Variants in PFKL observed in about 807,000 individuals in gnomAD.
The protein encoded by PFKL is ATP-dependent 6-phosphofructokinase, liver type.
PFKL carries 74 observed loss-of-function variants against 92.1 expected under a neutral mutation model. The ratio of observed to expected loss-of-function variants is 0.80; its 90% CI spans 0.67 to 0.97. PFKL has a LOEUF of 0.97. PFKL is among the 50% of genes least tolerant of loss of function. The pLI, the probability that PFKL is intolerant of heterozygous loss-of-function variation, is 0.00. For missense variants in PFKL, 1,028 were observed against 1,116.6 expected (o/e 0.92, Z 1.13); for synonymous variants, 494 against 456.4 (o/e 1.08, Z -1.05).
chr21:44,306,032 G>A (rs2040927911), intron 1 of PFKL: 1 of 768,922 alleles, frequency 1.3e-6, no homozygotes, highest in Admixed American at 4.8e-5. Flanking sequence ...CATTGCGGAG[G>A]AAGGAGCCCA....
In PFKL at chr21:44,324,658, G is replaced by GAGCCC; in HGVS notation, c.1815+14_1815+18dup. 1.3e-6 allele frequency: 2 copies of GAGCCC among 1,582,408 alleles called. No individual in the cohort carries two copies. Among genetic ancestry groups the GAGCCC allele is most frequent in the Non-Finnish European group, 8.6e-7 (1 of 1,162,286 alleles). The stretch of plus-strand genomic sequence containing the variant: ...CTTTCAACATCCACGACTTAAAGGT[G>GAGCCC]AGCCCAGCCCAGCCCCTGCTGCGGC... On this transcript the variant is annotated splice_donor_region_variant and intron_variant, in intron 17 of 21. Transcript: ENST00000349048.
chr21:44,314,891 G>C (rs2047159054), intron 7 of PFKL: 1 of 152,306 alleles, frequency 6.6e-6, no homozygotes, highest in South Asian at 2.1e-4. Flanking sequence ...CAGGACCACT[G>C]GAACCAGCCC....
rs575349882 is a variant in PFKL at position 44,314,339 on chromosome 21, C to T, written c.747+318C>T. The T allele has an allele frequency of 6.8e-5, 22 of 324,032 alleles. No homozygotes were observed. In the South Asian group the frequency reaches 8.4e-4, roughly 12 times the overall value. 20.1% of individuals were successfully genotyped at this position (324,032 alleles called of 1,614,324 possible). On this transcript the variant is annotated intron_variant, in intron 7 of 21. Transcript: ENST00000349048. ...TGGGGTGGGACTGCTGAGCCTGGGGCGGTGGGAGGTGGTTGGTTGTGAGGG... is the reference window on the plus strand; with the variant it reads ...TGGGGTGGGACTGCTGAGCCTGGGGTGGTGGGAGGTGGTTGGTTGTGAGGG...
chr21:44,321,558 TAGAAC>T, intron 12 of PFKL, 166 bp from the exon 13 acceptor site: 1 of 567,464 alleles, frequency 1.8e-6, no homozygotes, highest in Non-Finnish European at 2.9e-6. Flanking sequence ...CTTCTGGAAT[TAGAAC>T]AGATACCGTA....
intron 7 of PFKL, chr21:44,314,886 C>T (rs2047158834): frequency 6.6e-6 from 1 of 152,288 alleles, no homozygotes; most frequent in Non-Finnish European, 1.5e-5. Context: ...TGAGGCAGGA[C>T]CACTGGAACC....
intron 15 of PFKL, among the ~76,000 whole-genome samples, 160 bp from the exon 16 acceptor site, chr21:44,323,606 G>A (rs1477959632): frequency 6.6e-6 from 1 of 152,146 alleles, no homozygotes; most frequent in African/African-American, 2.4e-5. Flanking sequence ...CTGACTGCCT[G>A]GCCCAGCCCC....
rs149918423 is a variant in PFKL at position 44,314,030 on chromosome 21, C to T, written c.747+9C>T. Reference sequence around the variant, plus strand: ...GTGAGAGGCTGGGTGAGGTGGGTGCCGTCCAGCCTGCTGGGGGCCGCAGGT... The same window carrying T: ...GTGAGAGGCTGGGTGAGGTGGGTGCTGTCCAGCCTGCTGGGGGCCGCAGGT... On this transcript the variant is annotated intron_variant, in intron 7 of 21. Coordinates refer to ENST00000349048, the MANE Select transcript of PFKL (RefSeq NM_002626.6). 1.5e-5 allele frequency: 23 copies of T among 1,582,988 alleles called. No homozygotes were observed. Among genetic ancestry groups the T allele is most frequent in the Non-Finnish European group, 1.7e-5 (20 of 1,162,032 alleles).
At chr21:44,304,341 G>A in intron 1 of PFKL, 1 of 1,287,964 alleles carries the variant, frequency 7.8e-7, no homozygotes, top group Non-Finnish European at 1.0e-6. Flanking sequence ...CCGCCCAGTG[G>A]CACATTGACT....
chr21:44,309,638 A>G (rs2041057762), intron 2 of PFKL, among the ~76,000 whole-genome samples: 1 of 151,980 alleles, frequency 6.6e-6, no homozygotes. Context: ...TGGGCTCTGT[A>G]TTGGATCCTG....
chr21:44,323,935 C>T lies in PFKL; in HGVS notation c.1650+17C>T, dbSNP rs1196382403. On this transcript the variant is annotated intron_variant, in intron 16 of 21. Transcript: ENST00000349048. ...GCCATGGAGGTACGGGGCTCCTGGA[C>T]ACCGGCCTGCCATGCCCAGGCCCTT... The T allele has an allele frequency of 5.0e-6, 8 of 1,612,650 alleles. No homozygotes were observed. The African/African-American group carries it at 6.7e-5, about 13-fold the overall frequency.
At position 44,306,624 on chromosome 21, in the gene PFKL, G is replaced by T. The variant is rs887137539; in HGVS notation, c.86-57G>T. 17 of 1,495,608 alleles carry T rather than the reference G, an allele frequency of 1.1e-5. No individual in the cohort carries two copies. In the East Asian group the frequency reaches 1.2e-4, roughly 10 times the overall value. The allele number at this position is 1,495,608 out of a possible 1,614,324, so 92.6% of individuals were successfully genotyped here. On this transcript the variant is annotated intron_variant, in intron 1 of 21. Coordinates refer to ENST00000349048, the MANE Select transcript of PFKL (RefSeq NM_002626.6). Reference sequence around the variant, plus strand: ...CCCCCTGTCCTCTGAGATGGGGAGGGTGTCCAGGGCCTTGCTTCTCAGCGT... The same window carrying T: ...CCCCCTGTCCTCTGAGATGGGGAGGTTGTCCAGGGCCTTGCTTCTCAGCGT...
intron 12 of PFKL, 163 bp from the exon 13 acceptor site, chr21:44,321,566 A>G (rs2047355447): frequency 1.7e-6 from 1 of 591,432 alleles, no homozygotes; most frequent in Admixed American, 3.9e-5. Context: ...ATTAGAACAG[A>G]TACCGTATTC....
intron 5 of PFKL, 122 bp from the exon 6 acceptor site, chr21:44,313,516 T>C (rs2047115563): frequency 1.1e-6 from 1 of 917,520 alleles, no homozygotes; most frequent in South Asian, 1.5e-5. Context: ...AGCCTGGGCA[T>C]GAGAAGGGGC....
chr21:44,303,000 A>T (rs1230838526), intron 1 of PFKL, among the ~76,000 whole-genome samples: 1 of 152,178 alleles, frequency 6.6e-6, no homozygotes, highest in Non-Finnish European at 1.5e-5. Flanking sequence ...TGGGAGGCTG[A>T]GGCTGGTGGA....
Position 44,312,618 on chromosome 21 carries a change from C to A in PFKL, c.427+324C>A, listed in dbSNP as rs568007325. 2.6e-5 allele frequency among the ~76,000 whole-genome samples: 4 copies of A among 152,362 alleles called. No individual in the cohort carries two copies. The East Asian group carries it at 7.7e-4, about 29-fold the overall frequency. Reference sequence around the variant, plus strand: ...GTGAGATTCTGGACATGCATGGTCACAGTCTGCAGAAATAGAGTTGAAGTT... The same window carrying A: ...GTGAGATTCTGGACATGCATGGTCAAAGTCTGCAGAAATAGAGTTGAAGTT... On this transcript the variant is annotated intron_variant, in intron 4 of 21. Transcript: ENST00000349048.
intron 15 of PFKL, 29 bp from the exon 16 acceptor site, chr21:44,323,737 C>CT: frequency 6.3e-7 from 1 of 1,597,298 alleles, no homozygotes; most frequent in Non-Finnish European, 8.5e-7. Context: ...CGGTGCTGCC[C>CT]TTGACCTGCC....
Position 44,327,258 on chromosome 21 carries a change from G to C in PFKL, c.*396G>C. 4.1e-6 allele frequency: 1 copy of C among 246,500 alleles called. No homozygotes were observed. The highest frequency in any genetic ancestry group is 8.1e-6 in the Non-Finnish European group (1 of 123,930). 15.3% of individuals were successfully genotyped at this position (246,500 alleles called of 1,614,324 possible). ...GCTGCTGGCGCCTAGGTTGTGTTGA[G>C]AGGGGGATGCCCCTGGCCCTGCCTC... On this transcript the variant is annotated 3_prime_UTR_variant, in exon 22 of 22. Coordinates refer to ENST00000349048, the MANE Select transcript of PFKL (RefSeq NM_002626.6).
intron 1 of PFKL, chr21:44,305,101 G>A: frequency 2.1e-6 from 1 of 484,656 alleles, no homozygotes; most frequent in Non-Finnish European, 3.4e-6. Context: ...CTGAGGGTGG[G>A]TCTGGGTGAG....
rs1202339494 is a variant in PFKL at position 44,324,882 on chromosome 21, G to A, written c.1842G>A (p.Lys614=). The A allele has an allele frequency of 1.9e-6, 3 of 1,609,108 alleles. No homozygotes were observed. The highest frequency in any genetic ancestry group is 1.7e-6 in the Non-Finnish European group (2 of 1,178,032). Residue 614 remains lysine, a synonymous_variant, in exon 18 of 22, where the codon AAG becomes AAA. Transcript: ENST00000349048. ...TCAACGTGGAGCACATGACGGAGAA[G>A]ATGAAGACAGACATTCAGAGGGGCC... is the stretch of plus-strand genomic sequence containing the variant. ...LKVNVEHMTE[K]MKTDIQRGLV...
Sources: allele counts gnomAD v4.1 joint callset (sites outside exome capture counted in the v4.1 genomes callset), GRCh38; gene constraint gnomAD v4.1.1; transcripts MANE v1.5; gene names NCBI Gene and HGNC (gene_info 2026-07-23, HGNC 2026-07-21).